Variants in TMBIM6 observed in about 807,000 individuals in gnomAD.
TMBIM6 encodes the protein transmembrane BAX inhibitor motif containing 6, also known as bax inhibitor 1.
Under a neutral mutation model 31.4 loss-of-function variants are expected in TMBIM6, and 13 were observed. That is an observed-to-expected ratio of 0.41 (90% confidence interval 0.27 to 0.66). The LOEUF (loss-of-function observed/expected upper bound fraction) is 0.66, where lower values mean the gene tolerates loss of function less well. TMBIM6 is among the 30% of genes least tolerant of loss of function. The probability of loss-of-function intolerance (pLI) is 0.28; values close to 1 mark genes in which losing one functional copy is unlikely to be tolerated. For missense variants in TMBIM6, 275 were observed against 289.5 expected (o/e 0.95, Z 0.36); for synonymous variants, 85 against 101.7 (o/e 0.84, Z 0.99).
Position 49,753,038 on chromosome 12 carries a change from C to T in TMBIM6, c.122C>T (p.Ala41Val), listed in dbSNP as rs779970922. ...AGTTTTGCCCTTTGTATGTTTGTGGCGGCTGCAGGGGCCTATGTCCATATG... is the reference window on the plus strand; with the variant it reads ...AGTTTTGCCCTTTGTATGTTTGTGGTGGCTGCAGGGGCCTATGTCCATATG... ...YASFALCMFV[A>V]AAGAYVHMVT... is the part of the protein sequence containing the mutation. The change falls in exon 3 of 10, where the codon GCG (alanine) becomes GTG (valine). Residue 41 changes from alanine to valine, a missense_variant. Ala to Val is a moderately conservative substitution (Grantham distance 64). Coordinates refer to ENST00000267115, the MANE Select transcript of TMBIM6 (RefSeq NM_003217.3). The T allele has an allele frequency of 6.2e-6, 10 of 1,613,950 alleles. No individual in the cohort carries two copies. Among genetic ancestry groups the T allele is most frequent in the South Asian group, 3.3e-5 (3 of 91,064 alleles).
intron 7 of TMBIM6, 196 bp from the exon 8 acceptor site, chr12:49,759,025 C>T (rs1945662294): frequency 3.2e-6 from 2 of 627,590 alleles, no homozygotes; most frequent in Admixed American, 2.9e-5. Context: ...GATTGAAACT[C>T]TTCCAGTGAC....
Position 49,761,696 on chromosome 12 carries a change from C to G in TMBIM6, c.615-8C>G. On this transcript the variant is annotated splice_polypyrimidine_tract_variant and splice_region_variant and intron_variant, in intron 8 of 9. Transcript: ENST00000267115. ...AGTACAGATCCTAATCTGGTTCTTG[C>G]CTTTCAGGCACTGCATTGATCTCTT... The G allele has an allele frequency of 6.2e-7, 1 of 1,613,764 alleles. No homozygotes were observed. The highest frequency in any genetic ancestry group is 8.5e-7 in the Non-Finnish European group (1 of 1,179,760).
At chr12:49,749,066 G>T (rs183272778) in intron 1 of TMBIM6, among the ~76,000 whole-genome samples, 575 of 152,274 alleles carry the variant, frequency 3.8e-3, no homozygotes, top group Admixed American at 6.8e-3. Flanking sequence ...AATCTTGTTT[G>T]GCTGAGTTTG....
intron 4 of TMBIM6, among the ~76,000 whole-genome samples, chr12:49,757,146 C>T (rs1041426868): frequency 8.5e-5 from 13 of 152,200 alleles, no homozygotes; most frequent in Admixed American, 4.6e-4. Flanking sequence ...GGATTACAGA[C>T]GTGAGCCACT....
chr12:49,755,038 C>T (rs1565920885), intron 3 of TMBIM6, among the ~76,000 whole-genome samples: 1 of 152,128 alleles, frequency 6.6e-6, no homozygotes, highest in Non-Finnish European at 1.5e-5. Flanking sequence ...CTTACTGCAA[C>T]CTCTGCCTCC....
At chr12:49,752,052 G>A (rs1451078149) in intron 1 of TMBIM6, among the ~76,000 whole-genome samples, 1 of 152,142 alleles carries the variant, frequency 6.6e-6, no homozygotes, top group Non-Finnish European at 1.5e-5. Context: ...GCCTCAGTGA[G>A]CCACTATGCC....
In TMBIM6 at chr12:49,764,266, T is replaced by A. The variant is rs1202950223; in HGVS notation, c.*1370T>A. On this transcript the variant is annotated 3_prime_UTR_variant, in exon 10 of 10. Coordinates refer to ENST00000267115, the MANE Select transcript of TMBIM6 (RefSeq NM_003217.3). ...GAGTGGTTGTGGCTCTGAGCTGCTCTACAGAGCTTCAGTGTGAGAGGATCG... is the reference window on the plus strand; with the variant it reads ...GAGTGGTTGTGGCTCTGAGCTGCTCAACAGAGCTTCAGTGTGAGAGGATCG... 2 of 152,140 alleles carry A rather than the reference T, an allele frequency of 1.3e-5. No individual in the cohort carries two copies. Among genetic ancestry groups the A allele is most frequent in the Non-Finnish European group, 2.9e-5 (2 of 68,034 alleles). 9.4% of individuals were successfully genotyped at this position (152,140 alleles called of 1,614,324 possible).
intron 6 of TMBIM6, 88 bp from the exon 7 acceptor site, chr12:49,758,595 T>C: frequency 6.4e-7 from 1 of 1,556,196 alleles, no homozygotes; most frequent in Non-Finnish European, 8.9e-7. Context: ...TTAACCTTCA[T>C]TCTGGGGGAA....
intron 1 of TMBIM6, among the ~76,000 whole-genome samples, chr12:49,749,441 G>GTTTTTTTTTTTTTTT (rs61667487): frequency 6.8e-6 from 1 of 146,048 alleles, no homozygotes; most frequent in African/African-American, 2.7e-5. Context: ...AGTCATTTTT[G>GTTTTTTTTTTTTTTT]TTTTTTTTTG....
rs1945655447 is a variant in TMBIM6, at chr12:49,758,748, A to G, written c.499A>G (p.Ile167Val). Residue 167 changes from isoleucine (I) to valine (V), a missense_variant, in exon 7 of 10, where the codon ATT becomes GTT. Ile to Val is a conservative substitution (Grantham distance 29, BLOSUM62 3). Coordinates refer to ENST00000267115, the MANE Select transcript of TMBIM6 (RefSeq NM_003217.3). Reference protein sequence around the residue: ...SSLGNVFFGSIWLFQANLYVG... With the variant: ...SSLGNVFFGSVWLFQANLYVG... ...CCTGGGGAATGTTTTCTTTGGATCC[A>G]TTTGGCTTTTCCAGGTAAGACTTAG... 1.9e-6 allele frequency: 3 copies of G among 1,607,974 alleles called. No individual in the cohort carries two copies. The highest frequency in any genetic ancestry group is 2.2e-5 in the East Asian group (1 of 44,668).
intron 6 of TMBIM6, 69 bp from the exon 7 acceptor site, chr12:49,758,614 A>G (rs966546245): frequency 1.3e-6 from 2 of 1,578,146 alleles, no homozygotes; most frequent in South Asian, 1.1e-5. Flanking sequence ...AAGTTAAGGA[A>G]TGGCTTTAAT....
At chr12:49,758,806 C>G (rs753866475) in intron 7 of TMBIM6, 44 bp downstream of exon 7, 1 of 1,384,408 alleles carries the variant, frequency 7.2e-7, no homozygotes, top group Non-Finnish European at 1.0e-6. Flanking sequence ...TTGCCTCACA[C>G]TTCTTTCTTT....
At chr12:49,757,288 A>G (rs977608072) in intron 4 of TMBIM6, among the ~76,000 whole-genome samples, 1 of 152,250 alleles carries the variant, frequency 6.6e-6, no homozygotes, top group Non-Finnish European at 1.5e-5. Context: ...GTGTACTTGA[A>G]TGAATGAGGT....
chr12:49,757,917 C>A (rs1010938969), intron 4 of TMBIM6, among the ~76,000 whole-genome samples: 2 of 152,102 alleles, frequency 1.3e-5, no homozygotes, highest in Admixed American at 6.5e-5. Context: ...TACCATCTTA[C>A]ATCACTCTAG....
intron 1 of TMBIM6, among the ~76,000 whole-genome samples, chr12:49,745,021 AG>A (rs58018975): frequency 0.12 from 18,201 of 152,112 alleles, 1,650 homozygotes; most frequent in African/African-American, 0.26. Context: ...AGCCCCCTGG[AG>A]GAGATGGATT....
chr12:49,759,092 C>T (rs1036909136), intron 7 of TMBIM6, 129 bp from the exon 8 acceptor site: 14 of 784,244 alleles, frequency 1.8e-5, no homozygotes, highest in South Asian at 6.6e-5. Context: ...CTGCAGTTCT[C>T]GTGAATGGTA....
chr12:49,758,955 A>G (rs1945661087), intron 7 of TMBIM6, 193 bp downstream of exon 7: 2 of 648,574 alleles, frequency 3.1e-6, no homozygotes, highest in African/African-American at 3.7e-5. Context: ...GCTAAGAGAA[A>G]ATGGTTTGCT....
chr12:49,752,486 C>G lies in TMBIM6; in HGVS notation c.-8C>G. 1 of 1,613,234 alleles carries G rather than the reference C, an allele frequency of 6.2e-7. No individual in the cohort carries two copies. The highest frequency in any genetic ancestry group is 8.5e-7 in the Non-Finnish European group (1 of 1,179,894). On this transcript the variant is annotated 5_prime_UTR_variant, in exon 2 of 10. Coordinates refer to ENST00000267115, the MANE Select transcript of TMBIM6 (RefSeq NM_003217.3). ...CAGAGTGGAGACTGCTGCACGGACT[C>G]TGGAACCATGAACATATTTGATCGA...
chr12:49,755,836 T>TA, intron 4 of TMBIM6, 81 bp downstream of exon 4: 3 of 1,450,090 alleles, frequency 2.1e-6, no homozygotes, highest in Non-Finnish European at 2.8e-6. Flanking sequence ...CCTTTTTTTT[T>TA]CTTTTTTTTT....
Sources: gnomAD v4.1 joint callset for allele counts (sites outside exome capture counted in the v4.1 genomes callset) on GRCh38, gnomAD v4.1.1 for gene constraint, MANE v1.5 for transcripts, NCBI Gene and HGNC (gene_info 2026-07-23, HGNC 2026-07-21) for gene names.